Variants in TAF2 observed in about 807,000 individuals in gnomAD.
TAF2 encodes TATA-box binding protein associated factor 2.
TAF2 carries 61 observed loss-of-function variants against 138.5 expected under a neutral mutation model. The ratio of observed to expected loss-of-function variants is 0.44; its 90% CI spans 0.36 to 0.54. The LOEUF (loss-of-function observed/expected upper bound fraction) is 0.54, where lower values mean the gene tolerates loss of function less well. Among genes scored for constraint, TAF2 ranks in the 20% least tolerant of loss-of-function variants. TAF2 has a pLI of 0.00. For missense variants in TAF2, 1,090 were observed against 1,427.9 expected (o/e 0.76, Z 3.81); for synonymous variants, 475 against 469.9 (o/e 1.01, Z -0.14).
chr8:119,806,465 CTTTCT>C lies in TAF2; in HGVS notation c.300-69_300-65del, dbSNP rs957720539. On this transcript the variant is annotated intron_variant, in intron 3 of 25. Coordinates refer to ENST00000378164, the MANE Select transcript of TAF2 (RefSeq NM_003184.4). ...TGTATCTTACCAAGCATTTTTCTTTCTTTCTTTTTTTTTTTTTTTTTTTAGATGAA... is the reference window on the plus strand; with the variant it reads ...TGTATCTTACCAAGCATTTTTCTTTCTTTTTTTTTTTTTTTTTTAGATGAA... 6.0e-6 allele frequency: 6 copies of C among 993,684 alleles called. No individual in the cohort carries two copies. The East Asian group carries it at 8.9e-5, about 15-fold the overall frequency. The allele number at this position is 993,684 out of a possible 1,614,324, so 61.6% of individuals were successfully genotyped here.
intron 18 of TAF2, among the ~76,000 whole-genome samples, chr8:119,765,789 A>T (rs1029813278): frequency 1.3e-5 from 2 of 152,236 alleles, no homozygotes; most frequent in African/African-American, 4.8e-5. Context: ...ACTGCTAATG[A>T]TAGGTAACAT....
chr8:119,799,558 T>C (rs1824094397), intron 6 of TAF2, among the ~76,000 whole-genome samples: 1 of 152,098 alleles, frequency 6.6e-6, no homozygotes, highest in Admixed American at 6.6e-5. Flanking sequence ...CTATCACTGA[T>C]GGACTGGGTT....
intron 16 of TAF2, among the ~76,000 whole-genome samples, chr8:119,782,241 A>G (rs965325099): frequency 6.6e-6 from 1 of 152,330 alleles, no homozygotes; most frequent in East Asian, 1.9e-4. Flanking sequence ...GGCTGTAAGC[A>G]TGCTTTACAA....
chr8:119,747,958 T>C (rs1347070460), intron 22 of TAF2, among the ~76,000 whole-genome samples: 1 of 152,084 alleles, frequency 6.6e-6, no homozygotes, highest in South Asian at 2.1e-4. Context: ...GCCCACTCTC[T>C]ACTAAAAATA....
chr8:119,752,312 G>A (rs1017277487), intron 22 of TAF2, among the ~76,000 whole-genome samples: 1 of 152,114 alleles, frequency 6.6e-6, no homozygotes, highest in African/African-American at 2.4e-5. Context: ...GTCAGTGTGT[G>A]TATATATTTA....
intron 18 of TAF2, among the ~76,000 whole-genome samples, chr8:119,773,664 A>G (rs1435985564): frequency 6.6e-6 from 1 of 151,370 alleles, no homozygotes; most frequent in Non-Finnish European, 1.5e-5. Context: ...AAACCTCTCA[A>G]ATTCAATAAG....
At chr8:119,825,716 G>A (rs1054689685) in intron 2 of TAF2, among the ~76,000 whole-genome samples, 8 of 151,942 alleles carry the variant, frequency 5.3e-5, no homozygotes, top group East Asian at 3.9e-4. Context: ...ATGGAATCTC[G>A]CTCTGTCGCC....
At chr8:119,744,431 C>T (rs747743147) in intron 23 of TAF2, 38 bp from the exon 24 acceptor site, 6 of 1,550,680 alleles carry the variant, frequency 3.9e-6, no homozygotes, top group Non-Finnish European at 1.8e-6. Flanking sequence ...ATAAAAGAAC[C>T]ATTACATCAT....
rs115908620 is a variant in TAF2, at chr8:119,796,667, C to T, written c.1091+323G>A. 7.5e-3 allele frequency among the ~76,000 whole-genome samples: 1,146 copies of T among 152,014 alleles called. 17 individuals carry two copies. The highest frequency in any genetic ancestry group is 0.026 in the African/African-American group (1,086 of 41,510). On this transcript the variant is annotated intron_variant, in intron 8 of 25. Coordinates refer to ENST00000378164, the MANE Select transcript of TAF2 (RefSeq NM_003184.4). ...AGACACTGTTTTACCAAAATCTTAC[C>T]TTATAAACTGCAGAAGTGATTATAT...
At chr8:119,740,615 A>AGATC (rs1220589922) in intron 25 of TAF2, among the ~76,000 whole-genome samples, 2 of 149,044 alleles carry the variant, frequency 1.3e-5, no homozygotes, top group Non-Finnish European at 3.0e-5. Flanking sequence ...CAGTGAGCCA[A>AGATC]GATCGCATCA....
At chr8:119,797,539 G>C (rs1351283981) in intron 7 of TAF2, 123 bp downstream of exon 7, 1 of 995,436 alleles carries the variant, frequency 1.0e-6, no homozygotes, top group Non-Finnish European at 1.5e-6. Context: ...TTTGTACAAA[G>C]CCAATCACAT....
intron 10 of TAF2, among the ~76,000 whole-genome samples, 161 bp downstream of exon 10, chr8:119,793,205 A>G (rs1159631942): frequency 6.6e-6 from 1 of 152,212 alleles, no homozygotes; most frequent in African/African-American, 2.4e-5. Context: ...ATTACTTCCA[A>G]TCTTATGAGC....
chr8:119,755,147 G>A (rs553055676), intron 22 of TAF2, among the ~76,000 whole-genome samples: 2 of 152,290 alleles, frequency 1.3e-5, no homozygotes, highest in South Asian at 4.1e-4. Flanking sequence ...TTAGCAAAAT[G>A]GTTCCAGAGC....
Position 119,731,797 on chromosome 8 carries a change from G to T in TAF2, c.*127C>A. ...TAAATCAAATGCTTAGAACTTAAAT[G>T]AATTCAGAATTTCTGTAGGAGAGGC... On this transcript the variant is annotated 3_prime_UTR_variant, in exon 26 of 26. Coordinates refer to ENST00000378164, the MANE Select transcript of TAF2 (RefSeq NM_003184.4). The T allele has an allele frequency of 1.1e-6, 1 of 909,754 alleles. No individual in the cohort carries two copies. The highest frequency in any genetic ancestry group is 1.8e-6 in the Non-Finnish European group (1 of 557,486). 56.4% of individuals were successfully genotyped at this position (909,754 alleles called of 1,614,324 possible). A position where few individuals can be genotyped will look rare whatever the true frequency, so the allele number is the denominator to read the frequency against.
chr8:119,791,387 CTGA>C lies in TAF2; in HGVS notation c.1347_1349del (p.Phe449_Gln450delinsLeu). On this transcript the variant is annotated inframe_deletion, in exon 11 of 26. Coordinates refer to ENST00000378164, the MANE Select transcript of TAF2 (RefSeq NM_003184.4). ...ATCTCATCACAAGGTGGGCTTTACA[CTGA>C]AACATACTGTAGTATTCCCAGGACA... 1 of 1,613,716 alleles carries C rather than the reference CTGA, an allele frequency of 6.2e-7. No individual in the cohort carries two copies. Among genetic ancestry groups the C allele is most frequent in the African/African-American group, 1.3e-5 (1 of 74,996 alleles).
intron 22 of TAF2, among the ~76,000 whole-genome samples, chr8:119,747,342 T>G (rs1436888664): frequency 6.6e-6 from 1 of 152,208 alleles, no homozygotes; most frequent in Non-Finnish European, 1.5e-5. Context: ...GGACTTATTG[T>G]AAAGGAGGAA....
intron 2 of TAF2, among the ~76,000 whole-genome samples, chr8:119,830,528 T>C (rs1826379128): frequency 6.6e-6 from 1 of 152,168 alleles, no homozygotes; most frequent in Non-Finnish European, 1.5e-5. Flanking sequence ...AGTATCCTAC[T>C]ATATAAGATA....
intron 16 of TAF2, among the ~76,000 whole-genome samples, chr8:119,781,751 G>C (rs1033473130): frequency 6.6e-6 from 1 of 151,108 alleles, no homozygotes; most frequent in South Asian, 2.1e-4. Flanking sequence ...GCTATGGTGC[G>C]ATCATGGCTC....
At chr8:119,827,648 T>C (rs1171227954) in intron 2 of TAF2, among the ~76,000 whole-genome samples, 1 of 151,978 alleles carries the variant, frequency 6.6e-6, no homozygotes, top group Non-Finnish European at 1.5e-5. Context: ...ACAATGTATC[T>C]CTCCTAGCCA....
Sources: allele counts gnomAD v4.1 joint callset (sites outside exome capture counted in the v4.1 genomes callset), GRCh38; gene constraint gnomAD v4.1.1; transcripts MANE v1.5; gene names NCBI Gene and HGNC (gene_info 2026-07-23, HGNC 2026-07-21).